Variants in PNPLA7 observed in about 807,000 individuals in gnomAD.
The protein encoded by PNPLA7 is patatin like domain 7, lysophospholipase.
PNPLA7 carries 153 observed loss-of-function variants against 161.7 expected under a neutral mutation model. The ratio of observed to expected loss-of-function variants is 0.95; its 90% CI spans 0.83 to 1.08. PNPLA7 has a LOEUF of 1.08. Among genes scored for constraint, PNPLA7 ranks in the 50% least tolerant of loss-of-function variants. The pLI is 0.00. For synonymous variants in PNPLA7, 809 were observed against 782.1 expected (o/e 1.03, Z -0.57); for missense variants, 1,739 against 1,856.6 (o/e 0.94, Z 1.16).
chr9:137,468,513 C>G lies in PNPLA7; in HGVS notation c.2883-1040G>C, dbSNP rs1314486112. 6.6e-6 allele frequency among the ~76,000 whole-genome samples: 1 copy of G among 152,156 alleles called. No homozygotes were observed. The highest frequency in any genetic ancestry group is 1.5e-5 in the Non-Finnish European group (1 of 68,038). ...AGAGCACCCAGCTCTAAGGAGGGAG[C>G]TCGGATGCAAGCCACAGCTGGGGGG... On this transcript the variant is annotated intron_variant, in intron 25 of 34. Coordinates refer to ENST00000406427, the MANE Select transcript of PNPLA7 (RefSeq NM_001098537.3). This position sits in a 1 kb window ranked among gnomAD's most constrained non-coding sequence, Gnocchi z 4.0.
intron 12 of PNPLA7, among the ~76,000 whole-genome samples, chr9:137,508,623 C>A (rs1306879668): frequency 6.6e-6 from 1 of 152,002 alleles, no homozygotes; most frequent in African/African-American, 2.4e-5. Context: ...GACCCCTACT[C>A]ACTTTCTACA....
intron 8 of PNPLA7, among the ~76,000 whole-genome samples, chr9:137,526,186 C>T (rs975606044): frequency 1.3e-5 from 2 of 152,192 alleles, no homozygotes; most frequent in African/African-American, 4.8e-5. Context: ...GGTGGCTTGC[C>T]GCCCACAAGG....
At chr9:137,535,084 G>C (rs1835814273) in intron 8 of PNPLA7, among the ~76,000 whole-genome samples, 1 of 152,258 alleles carries the variant, frequency 6.6e-6, no homozygotes, top group Non-Finnish European at 1.5e-5. Context: ...TTACACTCTG[G>C]CCTTTTACAG....
At chr9:137,491,165 G>A (rs534084853) in intron 20 of PNPLA7, among the ~76,000 whole-genome samples, 4 of 152,156 alleles carry the variant, frequency 2.6e-5, no homozygotes, top group South Asian at 2.1e-4. Context: ...AGGCTGAGGG[G>A]GGGGGAATCA....
Position 137,479,222 on chromosome 9 carries a change from T to C in PNPLA7, c.2597A>G (p.Glu866Gly). The C allele has an allele frequency of 6.5e-7, 1 of 1,541,930 alleles. No homozygotes were observed. The highest frequency in any genetic ancestry group is 8.8e-7 in the Non-Finnish European group (1 of 1,141,626). ...CTTCTGGGCACGCACAGCTGTGCTCTCCAGCATCCGCTCCAGCTGAAAGGC... is the reference window on the plus strand; with the variant it reads ...CTTCTGGGCACGCACAGCTGTGCTCCCCAGCATCCGCTCCAGCTGAAAGGC... ...PTVGELERML[E>G]STAVRAQKQL... The change falls in exon 24 of 35, where the codon GAG becomes GGG. Residue 866 changes from glutamate to glycine, a missense_variant. By Grantham distance (98) the Glu-to-Gly change is moderately conservative. Coordinates refer to ENST00000406427, the MANE Select transcript of PNPLA7 (RefSeq NM_001098537.3).
At chr9:137,496,319 C>T (rs1465471852) in intron 18 of PNPLA7, among the ~76,000 whole-genome samples, 1 of 149,872 alleles carries the variant, frequency 6.7e-6, no homozygotes, top group Non-Finnish European at 1.5e-5. Context: ...GTTGGTCAGG[C>T]TTGTCTCGAA....
intron 4 of PNPLA7, among the ~76,000 whole-genome samples, chr9:137,544,920 G>T (rs745938849): frequency 2.0e-5 from 3 of 152,150 alleles, no homozygotes; most frequent in East Asian, 1.9e-4. Flanking sequence ...AGTGCTGAGA[G>T]TACAGGCGTG....
At chr9:137,503,445 AAGGAGAAGGAGGAGGGGG>A (rs1833614664) in intron 14 of PNPLA7, among the ~76,000 whole-genome samples, 1 of 125,980 alleles carries the variant, frequency 7.9e-6, no homozygotes, top group East Asian at 2.8e-4. Flanking sequence ...GAGGAGGGGG[AAGGAGAAGGAGGAGGGGG>A]AAGGAGAAGG....
rs989072892 is a variant in PNPLA7, at chr9:137,523,284, G to C, written c.748-427C>G. Among the ~76,000 whole-genome samples, 6 of 152,172 alleles carry C rather than the reference G, an allele frequency of 3.9e-5. No individual in the cohort carries two copies. Among genetic ancestry groups the C allele is most frequent in the Non-Finnish European group, 1.5e-5 (1 of 68,024 alleles). On this transcript the variant is annotated intron_variant, in intron 8 of 34. Coordinates refer to ENST00000406427, the MANE Select transcript of PNPLA7 (RefSeq NM_001098537.3). The surrounding 1 kb of genome is among the most constrained non-coding windows in gnomAD (Gnocchi z 4.4). ...GCGGGCTTCCTAAAAAGGCCACCGA[G>C]AGGGTCAGGAGCCACCACTGTCAAA... is the stretch of plus-strand genomic sequence containing the variant.
rs1834915552 is a variant in PNPLA7 at position 137,520,198 on chromosome 9, T to C, written c.958-155A>G. ...GTGACAGGTGTGGGACTCTCAAAGG[T>C]GTGACAGGTGTGGGCCTCTCAAAGG... On this transcript the variant is annotated intron_variant, in intron 10 of 34. Transcript: ENST00000406427. The surrounding 1 kb of genome is among the most constrained non-coding windows in gnomAD (Gnocchi z 5.2). Among the ~76,000 whole-genome samples the C allele has an allele frequency of 6.6e-6, 1 of 151,132 alleles. No homozygotes were observed. The highest frequency in any genetic ancestry group is 2.4e-5 in the African/African-American group (1 of 41,044).
chr9:137,477,013 G>A (rs1251351237), intron 25 of PNPLA7, among the ~76,000 whole-genome samples: 1 of 152,256 alleles, frequency 6.6e-6, no homozygotes, highest in Non-Finnish European at 1.5e-5. Flanking sequence ...TTTTCCCGGG[G>A]TAGCAGTGCT....
rs778534007 is a variant in PNPLA7 at position 137,543,855 on chromosome 9, G to C, written c.274-40C>G. The C allele has an allele frequency of 1.3e-6, 2 of 1,544,526 alleles. No individual in the cohort carries two copies. Among genetic ancestry groups the C allele is most frequent in the South Asian group, 2.2e-5 (2 of 89,628 alleles). Reference sequence around the variant, plus strand: ...GAGAGACCAGCCACTGACCCTGCAAGCCGCAAGGTCCAAGCTCTTTGCCAT... The same window carrying C: ...GAGAGACCAGCCACTGACCCTGCAACCCGCAAGGTCCAAGCTCTTTGCCAT... On this transcript the variant is annotated intron_variant, in intron 4 of 34. Transcript: ENST00000406427. The surrounding 1 kb of genome is among the most constrained non-coding windows in gnomAD (Gnocchi z 6.9).
At chr9:137,514,773 G>A (rs866851905) in intron 12 of PNPLA7, among the ~76,000 whole-genome samples, 17 of 143,380 alleles carry the variant, frequency 1.2e-4, no homozygotes, top group South Asian at 6.7e-4. Context: ...CCCTGTGGCC[G>A]GGCTGCAGGT....
Position 137,540,747 on chromosome 9 carries a change from G to A in PNPLA7, c.667-25C>T. 1.9e-6 allele frequency: 3 copies of A among 1,597,932 alleles called. No homozygotes were observed. In the African/African-American group the frequency reaches 4.0e-5, roughly 21 times the overall value. On this transcript the variant is annotated intron_variant, in intron 7 of 34. Transcript: ENST00000406427. This position sits in a 1 kb window ranked among gnomAD's most constrained non-coding sequence, Gnocchi z 5.1. ...CCTGCGCTTGGAGAGCAGAGTGGGT[G>A]CCGTCAGGTCTGGGGCTGCGACCGC...
At position 137,462,668 on chromosome 9, in the gene PNPLA7, G is replaced by A. The variant is rs943828210; in HGVS notation, c.3492+17C>T. 6.2e-7 allele frequency: 1 copy of A among 1,612,796 alleles called. No individual in the cohort carries two copies. ...AGGAGCAGCAGGGACAGCCCAGCCT[G>A]CCCGGTAGCACCCCACCTTGACTTT... On this transcript the variant is annotated intron_variant, in intron 30 of 34. Transcript: ENST00000406427.
chr9:137,494,912 TCTCACCTGCTCCGCGCC>T, intron 19 of PNPLA7, 104 bp downstream of exon 19: 5 of 771,086 alleles, frequency 6.5e-6, no homozygotes, highest in South Asian at 1.9e-5. Flanking sequence ...TGCTCTGCGC[TCTCACCTGCTCCGCGCC>T]CTCACCTGCT....
intron 8 of PNPLA7, among the ~76,000 whole-genome samples, chr9:137,533,465 C>A (rs1186601721): frequency 6.7e-6 from 1 of 149,106 alleles, no homozygotes; most frequent in African/African-American, 2.5e-5. Context: ...TCCCAGAATT[C>A]TCCACAACAG....
chr9:137,505,987 C>G lies in PNPLA7; in HGVS notation c.1322G>C (p.Ser441Thr). 1.2e-6 allele frequency: 2 copies of G among 1,608,800 alleles called. No homozygotes were observed. The highest frequency in any genetic ancestry group is 1.7e-6 in the Non-Finnish European group (2 of 1,178,012). The change falls in exon 13 of 35, where the codon AGC (serine) becomes ACC (threonine). Residue 441 changes from serine (S) to threonine (T), a missense_variant. Physicochemically the swap from Ser to Thr is moderately conservative, Grantham distance 58. Coordinates refer to ENST00000406427, the MANE Select transcript of PNPLA7 (RefSeq NM_001098537.3). ...SDEHPGSSVA[S>T]KSRKSVMVAE... ...AGAATGACAGCCAGGGCCTACCTTGCTGGCCACGGAGCTCCCGGGGTGCTC... is the reference window on the plus strand; with the variant it reads ...AGAATGACAGCCAGGGCCTACCTTGGTGGCCACGGAGCTCCCGGGGTGCTC...
At chr9:137,471,616 T>G (rs1312446274) in intron 25 of PNPLA7, among the ~76,000 whole-genome samples, 1 of 145,298 alleles carries the variant, frequency 6.9e-6, no homozygotes, top group Non-Finnish European at 1.5e-5. Flanking sequence ...AAAAAAAAGA[T>G]ACCATTTATA....
Sources: gnomAD v4.1 joint callset for allele counts (sites outside exome capture counted in the v4.1 genomes callset) on GRCh38, gnomAD v4.1.1 for gene constraint, Gnocchi (gnomAD v3.1) non-coding constraint, MANE v1.5 for transcripts, NCBI Gene and HGNC (gene_info 2026-07-23, HGNC 2026-07-21) for gene names.